Variants in ARB2A observed in about 807,000 individuals in gnomAD.
ARB2A encodes the protein cotranscriptional regulator ARB2A.
the ARB2A span, among the ~76,000 whole-genome samples, chr5:93,974,817 C>T: frequency 6.6e-6 from 1 of 152,018 alleles, no homozygotes. Flanking sequence ...GAAATCAACA[C>T]CATGAAGAAC....
the ARB2A span, among the ~76,000 whole-genome samples, chr5:93,639,382 C>G: frequency 6.6e-6 from 1 of 151,344 alleles, no homozygotes; most frequent in Non-Finnish European, 1.5e-5. Flanking sequence ...TGTTCTCACT[C>G]TGTCTGGTAC....
the ARB2A span, among the ~76,000 whole-genome samples, chr5:93,797,725 T>C: frequency 1.3e-5 from 2 of 152,222 alleles, no homozygotes; most frequent in African/African-American, 4.8e-5. Flanking sequence ...GTTAATAATA[T>C]AAAAGGCAAT....
the ARB2A span, among the ~76,000 whole-genome samples, chr5:93,874,467 G>A: frequency 6.6e-6 from 1 of 152,166 alleles, no homozygotes; most frequent in Admixed American, 6.5e-5. Flanking sequence ...GTGCAGCTGG[G>A]AGGGTGGCAT....
At chr5:93,831,314 A>T in the ARB2A span, among the ~76,000 whole-genome samples, 18 of 151,766 alleles carry the variant, frequency 1.2e-4, no homozygotes, top group Admixed American at 5.3e-4. Flanking sequence ...AAAAAAAAAA[A>T]AAGTCATTTA....
chr5:93,881,006 C>G, the ARB2A span, among the ~76,000 whole-genome samples: 9 of 151,634 alleles, frequency 5.9e-5, no homozygotes, highest in African/African-American at 1.9e-4. Context: ...ACCTTACCCC[C>G]CAAGATGAAT....
chr5:93,926,758 A>ATT, the ARB2A span, among the ~76,000 whole-genome samples: 2 of 141,732 alleles, frequency 1.4e-5, no homozygotes, highest in African/African-American at 2.6e-5. Flanking sequence ...TTGAAAGAAG[A>ATT]TTTTTTTTTT....
At chr5:94,063,277 T>C in the ARB2A span, among the ~76,000 whole-genome samples, 1 of 151,998 alleles carries the variant, frequency 6.6e-6, no homozygotes. Context: ...ACCTAAGTAC[T>C]CCTCCTAGGG....
the ARB2A span, among the ~76,000 whole-genome samples, chr5:93,694,494 C>T: frequency 6.6e-6 from 1 of 152,044 alleles, no homozygotes; most frequent in Non-Finnish European, 1.5e-5. Context: ...ATGTGAAGGA[C>T]CTCTTCAAGG....
the ARB2A span, among the ~76,000 whole-genome samples, chr5:93,926,978 A>G: frequency 2.6e-5 from 4 of 151,752 alleles, no homozygotes; most frequent in Admixed American, 2.0e-4. Flanking sequence ...CTGTGTTGGA[A>G]TTTAGGTCAT....
chr5:93,767,013 G>C, the ARB2A span, among the ~76,000 whole-genome samples: 4 of 148,780 alleles, frequency 2.7e-5, no homozygotes, highest in East Asian at 8.0e-4. Flanking sequence ...CACAGGAAGG[G>C]GAACATCACA....
At chr5:93,974,745 AT>A in the ARB2A span, among the ~76,000 whole-genome samples, 5 of 152,292 alleles carry the variant, frequency 3.3e-5, no homozygotes, top group African/African-American at 9.6e-5. Flanking sequence ...AAATTAAAAA[AT>A]AAAATAAATA....
chr5:93,767,576 C>T, the ARB2A span, among the ~76,000 whole-genome samples: 2 of 152,042 alleles, frequency 1.3e-5, no homozygotes, highest in Admixed American at 6.5e-5. Context: ...CTTGCACACA[C>T]GTTTAAGTAG....
the ARB2A span, among the ~76,000 whole-genome samples, chr5:93,697,904 A>C: frequency 6.6e-6 from 1 of 152,152 alleles, no homozygotes; most frequent in East Asian, 1.9e-4. Flanking sequence ...TTAAAGAAGC[A>C]GTTTGCTTTA....
At chr5:93,719,001 T>C in the ARB2A span, among the ~76,000 whole-genome samples, 1 of 152,218 alleles carries the variant, frequency 6.6e-6, no homozygotes, top group Admixed American at 6.5e-5. Flanking sequence ...CTGACAGCTC[T>C]CTCTTGGATG....
chr5:93,771,670 G>C, the ARB2A span, among the ~76,000 whole-genome samples: 1 of 152,148 alleles, frequency 6.6e-6, no homozygotes, highest in Admixed American at 6.5e-5. Context: ...CTTCTCAAAA[G>C]AAGACATTTA....
chr5:93,637,085 G>C, the ARB2A span, among the ~76,000 whole-genome samples: 1 of 151,998 alleles, frequency 6.6e-6, no homozygotes, highest in African/African-American at 2.4e-5. Flanking sequence ...CTTCCCCCCA[G>C]CTCCCCTCCT....
chr5:94,054,297 G>T, the ARB2A span, among the ~76,000 whole-genome samples: 4 of 151,592 alleles, frequency 2.6e-5, no homozygotes, highest in African/African-American at 9.7e-5. Flanking sequence ...TTCCATTCAG[G>T]ACACCACATT....
At chr5:93,981,664 A>T in the ARB2A span, among the ~76,000 whole-genome samples, 1 of 151,838 alleles carries the variant, frequency 6.6e-6, no homozygotes, top group Non-Finnish European at 1.5e-5. Context: ...AACAATAATA[A>T]AATATTTAAT....
At chr5:94,083,710 C>T in the ARB2A span, among the ~76,000 whole-genome samples, 1 of 151,362 alleles carries the variant, frequency 6.6e-6, no homozygotes, top group Non-Finnish European at 1.5e-5. Context: ...CAGTAGGACA[C>T]TGAAAATAAA....
Sources: allele counts gnomAD v4.1 joint callset (sites outside exome capture counted in the v4.1 genomes callset), GRCh38; gene constraint gnomAD v4.1.1; transcripts MANE v1.5; gene names NCBI Gene and HGNC (gene_info 2026-07-23, HGNC 2026-07-21).